The following DUT variants were observed in gnomAD, a reference collection of about 807,000 sequenced individuals.
DUT encodes the protein deoxyuridine 5'-triphosphate nucleotidohydrolase, mitochondrial.
A neutral mutation model predicts 28.8 loss-of-function variants in DUT; 21 were observed. That is an observed-to-expected ratio of 0.73 (90% CI 0.52 to 1.05). The LOEUF is 1.05. Ranked by LOEUF, DUT falls within the 50% of genes least tolerant of loss-of-function variation. The pLI is 0.00. For synonymous variants in DUT, 147 were observed against 143.7 expected (o/e 1.02, Z -0.17); for missense variants, 344 against 351.8 (o/e 0.98, Z 0.18).
In DUT at chr15:48,331,440, G is replaced by A. The variant is rs1034707058; in HGVS notation, c.-76G>A. 6.3e-6 allele frequency: 10 copies of A among 1,581,654 alleles called. No individual in the cohort carries two copies. Among genetic ancestry groups the A allele is most frequent in the Non-Finnish European group, 7.7e-6 (9 of 1,165,566 alleles). ...GCTTCCGAGGTCATGTTCCCAGGAC[G>A]GGCGCGTCTTCAGGGTGGAAGCCTG... is the stretch of plus-strand genomic sequence containing the variant. On this transcript the variant is annotated 5_prime_UTR_variant, in exon 1 of 7. Coordinates refer to ENST00000331200, the MANE Select transcript of DUT (RefSeq NM_001025248.2).
rs1183327518 is a variant in DUT at position 48,332,382 on chromosome 15, G to A, written c.395G>A (p.Arg132His). 4 of 1,582,972 alleles carry A rather than the reference G, an allele frequency of 2.5e-6. No homozygotes were observed. In the African/African-American group the frequency reaches 5.4e-5, roughly 21 times the overall value. The change falls in exon 2 of 7, where the codon CGC becomes CAC. Residue 132 changes from arginine (R) to histidine (H), a missense_variant. Physicochemically the swap from Arg to His is conservative, Grantham distance 29. Coordinates refer to ENST00000331200, the MANE Select transcript of DUT (RefSeq NM_001025248.2). ...HATAPTRGSA[R>H]AAGYDLYSAY... ...ACGGCCCCCACCCGGGGCTCCGCGC[G>A]CGCCGCGGGCTACGACCTGTACAGG...
chr15:48,341,725 C>A, intron 6 of DUT, 140 bp downstream of exon 6: 1 of 720,070 alleles, frequency 1.4e-6, no homozygotes, highest in Non-Finnish European at 2.3e-6. Flanking sequence ...ATTTAAAATA[C>A]TAGTTTTAGA....
intron 4 of DUT, among the ~76,000 whole-genome samples, chr15:48,337,633 C>G (rs931832149): frequency 1.3e-5 from 2 of 152,116 alleles, no homozygotes; most frequent in African/African-American, 4.8e-5. Context: ...GACTTTGTTA[C>G]TAATTTTTGC....
intron 3 of DUT, 96 bp from the exon 4 acceptor site, chr15:48,335,950 A>G (rs2141162104): frequency 1.1e-6 from 1 of 900,602 alleles, no homozygotes; most frequent in African/African-American, 1.7e-5. Flanking sequence ...TATAGATATT[A>G]TAGGTGAAGA....
At chr15:48,334,558 T>C (rs1207896488) in intron 3 of DUT, 50 bp downstream of exon 3, 1 of 1,360,142 alleles carries the variant, frequency 7.4e-7, no homozygotes, top group Non-Finnish European at 1.0e-6. Flanking sequence ...TCCTTTGTGA[T>C]AGATTCTTCA....
intron 4 of DUT, 77 bp from the exon 5 acceptor site, chr15:48,341,209 GATA>G: frequency 1.2e-6 from 1 of 814,644 alleles, no homozygotes; most frequent in Non-Finnish European, 1.9e-6. Flanking sequence ...AGAGCTACAT[GATA>G]ATGATTTTGA....
chr15:48,331,884 T>C, intron 1 of DUT, 89 bp downstream of exon 1: 1 of 159,554 alleles, frequency 6.3e-6, no homozygotes, highest in Non-Finnish European at 1.0e-5. Flanking sequence ...GAGCGGTCCT[T>C]CTGCGCGCGG....
intron 6 of DUT, 178 bp downstream of exon 6, chr15:48,341,763 A>G: frequency 1.6e-6 from 1 of 618,792 alleles, no homozygotes; most frequent in South Asian, 2.4e-5. Flanking sequence ...TCATGTAGCT[A>G]TTATGTAGTA....
chr15:48,333,882 T>C (rs1263481229), intron 2 of DUT, among the ~76,000 whole-genome samples: 1 of 152,244 alleles, frequency 6.6e-6, no homozygotes, highest in Non-Finnish European at 1.5e-5. Context: ...ATATTTTCCC[T>C]AATCACACAG....
intron 2 of DUT, 50 bp downstream of exon 2, chr15:48,332,456 T>C (rs1419766564): frequency 2.1e-6 from 3 of 1,443,820 alleles, no homozygotes. Flanking sequence ...GGCCGTCCGC[T>C]GCCACAGCTA....
intron 1 of DUT, 46 bp downstream of exon 1, chr15:48,331,841 C>G (rs886299717): frequency 9.6e-7 from 1 of 1,045,688 alleles, no homozygotes; most frequent in Non-Finnish European, 1.2e-6. Context: ...AAGGAATCCA[C>G]GCGGCTTGAG....
chr15:48,339,789 T>C (rs1299832519), intron 4 of DUT, among the ~76,000 whole-genome samples: 1 of 152,134 alleles, frequency 6.6e-6, no homozygotes, highest in African/African-American at 2.4e-5. Flanking sequence ...TCAGGAACCT[T>C]TTAAGAAGTG....
intron 2 of DUT, chr15:48,332,849 G>C (rs1891511666): frequency 4.5e-6 from 2 of 449,148 alleles, no homozygotes; most frequent in East Asian, 1.4e-4. Flanking sequence ...AATTTGAGAA[G>C]GCATCTGAAA....
intron 6 of DUT, chr15:48,341,806 G>C: frequency 1.8e-6 from 1 of 568,134 alleles, no homozygotes; most frequent in Non-Finnish European, 3.1e-6. Context: ...TAAACATACT[G>C]TGAACTTCTA....
Position 48,341,372 on chromosome 15 carries a change from A to C in DUT, c.631+9A>C, listed in dbSNP as rs376377379. ...CAAAGAAAAGTTTGAAGGTATGTTA[A>C]ATATATACATTCACATAATTTTAGT... is the stretch of plus-strand genomic sequence containing the variant. On this transcript the variant is annotated intron_variant, in intron 5 of 6. Transcript: ENST00000331200. 2.5e-6 allele frequency: 4 copies of C among 1,590,796 alleles called. No individual in the cohort carries two copies. The African/African-American group carries it at 4.0e-5, about 16-fold the overall frequency.
At chr15:48,336,226 A>G (rs1278535561) in intron 4 of DUT, 136 bp downstream of exon 4, 3 of 643,552 alleles carry the variant, frequency 4.7e-6, no homozygotes, top group Non-Finnish European at 7.2e-6. Context: ...TAGGAGGAAA[A>G]GCTTTGTGGT....
intron 4 of DUT, among the ~76,000 whole-genome samples, chr15:48,339,270 G>C (rs28381133): frequency 6.6e-6 from 1 of 152,136 alleles, no homozygotes; most frequent in Non-Finnish European, 1.5e-5. Context: ...ATCTCAGGGA[G>C]GGTAAGAGAA....
chr15:48,339,328 A>G (rs2042507958), intron 4 of DUT, among the ~76,000 whole-genome samples: 1 of 152,204 alleles, frequency 6.6e-6, no homozygotes, highest in Admixed American at 6.5e-5. Context: ...TTAGTTATTT[A>G]AAAATTTTTG....
intron 1 of DUT, 38 bp from the exon 2 acceptor site, chr15:48,332,230 T>G: frequency 6.4e-7 from 1 of 1,564,280 alleles, no homozygotes; most frequent in Non-Finnish European, 8.6e-7. Context: ...GGTGGTCTCC[T>G]CGCTCGCCTT....
Sources: allele counts gnomAD v4.1 joint callset (sites outside exome capture counted in the v4.1 genomes callset), GRCh38; gene constraint gnomAD v4.1.1; transcripts MANE v1.5; gene names NCBI Gene and HGNC (gene_info 2026-07-23, HGNC 2026-07-21).